The following DNAH7 variants were observed in gnomAD, a reference collection of about 807,000 sequenced individuals.
The protein encoded by DNAH7 is dynein axonemal heavy chain 7.
In DNAH7, 397 loss-of-function variants were observed where a neutral mutation model predicts 444.6. The ratio of observed to expected loss-of-function variants is 0.89; its 90% confidence interval spans 0.82 to 0.97. The LOEUF (loss-of-function observed/expected upper bound fraction) is 0.97. DNAH7 is among the 50% of genes least tolerant of loss of function. The pLI, the probability that DNAH7 is intolerant of heterozygous loss-of-function variation, is 0.00. For missense variants in DNAH7, 4,902 were observed against 4,800.8 expected (o/e 1.02, Z -0.62); for synonymous variants, 1,636 against 1,624.4 (o/e 1.01, Z -0.17).
At chr2:195,926,382 T>C (rs758615064) in intron 22 of DNAH7, 44 bp downstream of exon 22, 9 of 1,439,416 alleles carry the variant, frequency 6.3e-6, no homozygotes, top group East Asian at 2.6e-5. Flanking sequence ...AATAATACTA[T>C]TGAAAAAATG....
intron 14 of DNAH7, 70 bp from the exon 15 acceptor site, chr2:195,984,780 A>C: frequency 7.3e-7 from 1 of 1,371,666 alleles, no homozygotes; most frequent in Non-Finnish European, 1.0e-6. Flanking sequence ...ATTCCTGTAT[A>C]CTGTTTAAAT....
At chr2:195,850,261 G>A (rs772473762) in intron 46 of DNAH7, among the ~76,000 whole-genome samples, 9 of 150,744 alleles carry the variant, frequency 6.0e-5, no homozygotes, top group Non-Finnish European at 1.3e-4. Context: ...GAGCTAGATG[G>A]TGGATTTGCT....
At chr2:195,961,875 T>C (rs541531184) in intron 17 of DNAH7, among the ~76,000 whole-genome samples, 1 of 152,170 alleles carries the variant, frequency 6.6e-6, no homozygotes, top group African/African-American at 2.4e-5. Context: ...AGAAAATATA[T>C]ACATAGGTGA....
Position 195,895,178 on chromosome 2 carries a change from T to A in DNAH7, c.4694A>T (p.Asp1565Val). The A allele has an allele frequency of 6.2e-7, 1 of 1,612,274 alleles. No homozygotes were observed. Among genetic ancestry groups the A allele is most frequent in the Non-Finnish European group, 8.5e-7 (1 of 1,178,800 alleles). Reference protein sequence around the residue: ...LFPGVKLPKPDYNDLLAAIKD... With the variant: ...LFPGVKLPKPVYNDLLAAIKD... Reference sequence around the variant, plus strand: ...GATAGCTGCCAGCAAATCATTGTAATCTGGTTTTGGTAATTTTACCCCAGG... The same window carrying A: ...GATAGCTGCCAGCAAATCATTGTAAACTGGTTTTGGTAATTTTACCCCAGG... Residue 1565 changes from aspartate to valine, a missense_variant, in exon 30 of 65, where the codon GAT becomes GTT. By Grantham distance (152) the Asp-to-Val change is radical (BLOSUM62 -3). Transcript: ENST00000312428.
At chr2:195,846,010 G>A (rs1445516821) in intron 46 of DNAH7, among the ~76,000 whole-genome samples, 1 of 152,148 alleles carries the variant, frequency 6.6e-6, no homozygotes, top group Non-Finnish European at 1.5e-5. Flanking sequence ...TGACAAGTGG[G>A]ACCTAATTAA....
chr2:195,994,237 T>G (rs558343041), intron 12 of DNAH7: 2 of 323,564 alleles, frequency 6.2e-6, no homozygotes, highest in South Asian at 7.2e-5. Context: ...AGAATGCACA[T>G]GAAGCATAAT....
At chr2:196,053,588 T>A (rs769023441) in intron 2 of DNAH7, among the ~76,000 whole-genome samples, 2 of 152,092 alleles carry the variant, frequency 1.3e-5, no homozygotes, top group East Asian at 3.8e-4. Context: ...AAGAATAATA[T>A]AGGCAACAGG....
chr2:196,019,136 T>A (rs746953079), intron 9 of DNAH7, 34 bp downstream of exon 9: 15 of 1,391,570 alleles, frequency 1.1e-5, no homozygotes, highest in Non-Finnish European at 1.4e-5. Context: ...TCCCTCTATA[T>A]TTTAAAAACC....
Position 196,027,962 on chromosome 2 carries a change from A to G in DNAH7, c.484T>C (p.Leu162=). 6.2e-7 allele frequency: 1 copy of G among 1,610,914 alleles called. No individual in the cohort carries two copies. Among genetic ancestry groups the G allele is most frequent in the East Asian group, 2.2e-5 (1 of 44,668 alleles). Residue 162 remains leucine (L), a splice_region_variant and synonymous_variant, in exon 6 of 65, where the codon TTG becomes CTG. Transcript: ENST00000312428. ...PTASAIEKDI[L]RYYYYIHHGI... ...AGACAAAACAAATGGCCAGTTACCA[A>G]GATGTCTTTCTCTATAGCAGAAGCG...
intron 61 of DNAH7, among the ~76,000 whole-genome samples, chr2:195,766,191 T>TTTTTTTTTTTTTTTTTTTTTTTTA (rs1491573632): frequency 7.4e-6 from 1 of 136,008 alleles, no homozygotes. Context: ...TTTTTTTTTT[T>TTTTTTTTTTTTTTTTTTTTTTTTA]GAGACAGAGT....
chr2:195,744,774 A>G (rs1032217753), intron 63 of DNAH7, among the ~76,000 whole-genome samples: 2 of 152,222 alleles, frequency 1.3e-5, no homozygotes, highest in African/African-American at 2.4e-5. Flanking sequence ...GCAAACTCCA[A>G]CAGACCTGCA....
chr2:195,857,190 A>C (rs1423808213), intron 44 of DNAH7, among the ~76,000 whole-genome samples, 187 bp downstream of exon 44: 2 of 152,208 alleles, frequency 1.3e-5, no homozygotes, highest in Non-Finnish European at 2.9e-5. Context: ...CAAAAAGTTT[A>C]AGAACCACTG....
chr2:196,068,384 G>C (rs146739634), intron 1 of DNAH7: 8,122 of 414,762 alleles, frequency 0.02, 102 homozygotes, highest in Admixed American at 0.027. Flanking sequence ...ACTCCTCGCA[G>C]AGCCGCCTCT....
At chr2:195,836,778 G>A (rs1045877557) in intron 47 of DNAH7, among the ~76,000 whole-genome samples, 7 of 152,160 alleles carry the variant, frequency 4.6e-5, no homozygotes, top group Non-Finnish European at 5.9e-5. Flanking sequence ...GGAGGATTAT[G>A]TGTGAATGTT....
At chr2:195,911,400 C>T (rs1687349973) in intron 24 of DNAH7, among the ~76,000 whole-genome samples, 3 of 151,900 alleles carry the variant, frequency 2.0e-5, no homozygotes, top group African/African-American at 7.3e-5. Context: ...CAAAGAGATA[C>T]AGAGACTGAA....
intron 18 of DNAH7, among the ~76,000 whole-genome samples, chr2:195,959,671 G>A (rs1690943007): frequency 6.6e-6 from 1 of 152,144 alleles, no homozygotes; most frequent in Non-Finnish European, 1.5e-5. Flanking sequence ...TATATAGCCT[G>A]CCTAATGTAA....
chr2:195,888,649 C>T, intron 32 of DNAH7, 150 bp downstream of exon 32: 2 of 939,490 alleles, frequency 2.1e-6, no homozygotes, highest in Non-Finnish European at 3.1e-6. Flanking sequence ...CAAGATATGT[C>T]AACAGATAAC....
chr2:195,863,668 A>G (rs1700150349), intron 41 of DNAH7, among the ~76,000 whole-genome samples: 3 of 152,180 alleles, frequency 2.0e-5, no homozygotes, highest in Non-Finnish European at 4.4e-5. Flanking sequence ...GCCGTAGCTG[A>G]GTTCTACGTT....
intron 29 of DNAH7, among the ~76,000 whole-genome samples, chr2:195,896,030 A>C (rs62201531): frequency 0.028 from 4,267 of 152,324 alleles, 79 homozygotes; most frequent in Non-Finnish European, 0.045. Flanking sequence ...TTTGTGTGTG[A>C]ATTTGTATGA....
Sources: allele counts gnomAD v4.1 joint callset (sites outside exome capture counted in the v4.1 genomes callset), GRCh38; gene constraint gnomAD v4.1.1; transcripts MANE v1.5; gene names NCBI Gene and HGNC (gene_info 2026-07-23, HGNC 2026-07-21).